GUCY1A2: variants seen among roughly 807,000 people sequenced by gnomAD.
GUCY1A2 encodes guanylate cyclase soluble subunit alpha-2.
Under a neutral mutation model 63.5 loss-of-function variants are expected in GUCY1A2, and 27 were observed. The ratio of observed to expected loss-of-function variants is 0.43; its 90% CI spans 0.31 to 0.59. The LOEUF is 0.59. Ranked by LOEUF, GUCY1A2 falls within the 20% of genes least tolerant of loss-of-function variation. The pLI, the probability that GUCY1A2 is intolerant of heterozygous loss-of-function variation, is 0.11. For synonymous variants in GUCY1A2, 364 were observed against 343.5 expected (o/e 1.06, Z -0.66); for missense variants, 768 against 913.3 (o/e 0.84, Z 2.05).
chr11:106,776,157 G>C (rs1242744327), intron 6 of GUCY1A2, among the ~76,000 whole-genome samples: 1 of 151,960 alleles, frequency 6.6e-6, no homozygotes, highest in Non-Finnish European at 1.5e-5. Flanking sequence ...CTTGGATTTC[G>C]TGACCTGGTC....
chr11:106,730,039 G>A (rs947977259), intron 6 of GUCY1A2, among the ~76,000 whole-genome samples: 20 of 119,450 alleles, frequency 1.7e-4, no homozygotes, highest in Non-Finnish European at 3.2e-4. Context: ...TGACAAAACT[G>A]CTTTCTTTAA....
At chr11:106,986,191 T>C in intron 1 of GUCY1A2, 60 bp from the exon 2 acceptor site, 1 of 847,224 alleles carries the variant, frequency 1.2e-6, no homozygotes, top group Admixed American at 1.8e-5. Flanking sequence ...ATTCCCACTG[T>C]GAGTATCGTA....
intron 4 of GUCY1A2, among the ~76,000 whole-genome samples, chr11:106,867,057 C>T (rs1386565502): frequency 6.6e-6 from 1 of 151,800 alleles, no homozygotes; most frequent in Non-Finnish European, 1.5e-5. Flanking sequence ...CCAAGTTTCC[C>T]CCAAATTAAT....
intron 3 of GUCY1A2, among the ~76,000 whole-genome samples, chr11:106,951,532 T>C (rs1167148497): frequency 1.3e-5 from 2 of 152,248 alleles, no homozygotes; most frequent in African/African-American, 4.8e-5. Context: ...GCTATGTAAA[T>C]ATCTTCTTTT....
chr11:106,924,733 G>A (rs1860497981), intron 4 of GUCY1A2, among the ~76,000 whole-genome samples: 1 of 152,124 alleles, frequency 6.6e-6, no homozygotes, highest in African/African-American at 2.4e-5. Context: ...CGCCCAGCTT[G>A]GTGGCTCATG....
rs993407166 is a variant in GUCY1A2 at position 106,882,673 on chromosome 11, C to T, written c.1206+56787G>A. 2.6e-5 allele frequency among the ~76,000 whole-genome samples: 4 copies of T among 152,040 alleles called. 1 individual carries two copies. The South Asian group carries it at 6.2e-4, about 24-fold the overall frequency. On this transcript the variant is annotated intron_variant, in intron 4 of 7. Coordinates refer to ENST00000526355, the MANE Select transcript of GUCY1A2 (RefSeq NM_000855.3). ...GGCATGACTGTTGACCCTCATTTAACAGTTATCTGTAATTTCCCCAGCATT... is the reference window on the plus strand; with the variant it reads ...GGCATGACTGTTGACCCTCATTTAATAGTTATCTGTAATTTCCCCAGCATT...
chr11:106,921,317 T>C lies in GUCY1A2; in HGVS notation c.1206+18143A>G, dbSNP rs1860441288. Among the ~76,000 whole-genome samples, 5 of 152,152 alleles carry C rather than the reference T, an allele frequency of 3.3e-5. No homozygotes were observed. The South Asian group carries it at 1.0e-3, about 32-fold the overall frequency. ...AAAATCCCTCAGCTGTTTCCACACT[T>C]CTAACCAACTAGAGCATTCTAAGAT... On this transcript the variant is annotated intron_variant, in intron 4 of 7. Transcript: ENST00000526355.
At chr11:106,810,958 T>C (rs938205936) in intron 4 of GUCY1A2, among the ~76,000 whole-genome samples, 1 of 152,132 alleles carries the variant, frequency 6.6e-6, no homozygotes, top group African/African-American at 2.4e-5. Context: ...TAAATCATTT[T>C]TCAACTATTA....
chr11:106,691,443 C>T (rs988789231), intron 7 of GUCY1A2, among the ~76,000 whole-genome samples: 1 of 152,224 alleles, frequency 6.6e-6, no homozygotes, highest in Non-Finnish European at 1.5e-5. Context: ...ATGAGCTACA[C>T]TCTCTTCTCC....
chr11:106,917,894 G>A (rs1375901285), intron 4 of GUCY1A2, among the ~76,000 whole-genome samples: 3 of 139,720 alleles, frequency 2.1e-5, no homozygotes, highest in African/African-American at 7.5e-5. Flanking sequence ...GTATACATAT[G>A]TAACTAACCT....
chr11:106,894,017 C>G (rs1332993355), intron 4 of GUCY1A2, among the ~76,000 whole-genome samples: 1 of 152,158 alleles, frequency 6.6e-6, no homozygotes, highest in African/African-American at 2.4e-5. Flanking sequence ...TCATTTTGTA[C>G]TTCTCAAAAA....
intron 5 of GUCY1A2, among the ~76,000 whole-genome samples, chr11:106,795,751 T>A (rs1864746793): frequency 1.3e-5 from 2 of 152,106 alleles, no homozygotes; most frequent in Non-Finnish European, 2.9e-5. Flanking sequence ...TTAAAAGATG[T>A]TTGCAAAAAT....
chr11:106,737,579 G>C (rs1283072220), intron 6 of GUCY1A2, among the ~76,000 whole-genome samples: 1 of 152,100 alleles, frequency 6.6e-6, no homozygotes, highest in Admixed American at 6.6e-5. Flanking sequence ...GCACCGGTGT[G>C]TGATGTCCCC....
Position 106,907,529 on chromosome 11 carries a change from A to G in GUCY1A2, c.1206+31931T>C, listed in dbSNP as rs984660845. On this transcript the variant is annotated intron_variant, in intron 4 of 7. Transcript: ENST00000526355. ...ATTAACTCGTCGTTTAGCATTAGGTATATCTCCTAATGCTATCCCTCCCGC... is the reference window on the plus strand; with the variant it reads ...ATTAACTCGTCGTTTAGCATTAGGTGTATCTCCTAATGCTATCCCTCCCGC... Among the ~76,000 whole-genome samples, 3 of 151,990 alleles carry G rather than the reference A, an allele frequency of 2.0e-5. No homozygotes were observed. In the East Asian group the frequency reaches 5.8e-4, roughly 29 times the overall value.
chr11:106,744,531 C>T (rs1863753782), intron 6 of GUCY1A2, among the ~76,000 whole-genome samples: 1 of 152,204 alleles, frequency 6.6e-6, no homozygotes, highest in Non-Finnish European at 1.5e-5. Context: ...TTTCCCCACC[C>T]TTATCCTTTT....
intron 4 of GUCY1A2, among the ~76,000 whole-genome samples, chr11:106,862,277 T>C (rs1379185771): frequency 6.6e-6 from 1 of 151,946 alleles, no homozygotes; most frequent in East Asian, 1.9e-4. Context: ...ATTGGTAAAA[T>C]GAAGATAATA....
intron 7 of GUCY1A2, among the ~76,000 whole-genome samples, 182 bp from the exon 8 acceptor site, chr11:106,687,938 T>C (rs1235167571): frequency 6.6e-6 from 1 of 152,104 alleles, no homozygotes; most frequent in Non-Finnish European, 1.5e-5. Context: ...TCAGAAAAGA[T>C]CCCTTCATGT....
chr11:106,869,029 C>T (rs536254976), intron 4 of GUCY1A2, among the ~76,000 whole-genome samples: 14 of 152,122 alleles, frequency 9.2e-5, no homozygotes, highest in Admixed American at 3.9e-4. Flanking sequence ...ATTTAACAAA[C>T]GGTGCTGGGA....
chr11:106,678,218 T>C lies in GUCY1A2; in HGVS notation c.*9331A>G, dbSNP rs1326635612. On this transcript the variant is annotated 3_prime_UTR_variant, in exon 8 of 8. Transcript: ENST00000526355. ...GAGTTTGATCTACCATCAGAAATAA[T>C]TTCTTCTTTTTGAGAATACTTTGTA... 5.0e-6 allele frequency: 1 copy of C among 198,740 alleles called. No homozygotes were observed. Among genetic ancestry groups the C allele is most frequent in the African/African-American group, 2.3e-5 (1 of 43,432 alleles). 12.3% of individuals were successfully genotyped at this position (198,740 alleles called of 1,614,324 possible). A position where few individuals can be genotyped will look rare whatever the true frequency, so the allele number is the denominator to read the frequency against.
Sources: gnomAD v4.1 joint callset for allele counts (sites outside exome capture counted in the v4.1 genomes callset) on GRCh38, gnomAD v4.1.1 for gene constraint, MANE v1.5 for transcripts, NCBI Gene and HGNC (gene_info 2026-07-23, HGNC 2026-07-21) for gene names.